The following FRAS1 variants were observed in gnomAD, a reference collection of about 807,000 sequenced individuals.
FRAS1 encodes the protein Fraser extracellular matrix complex subunit 1, also known as extracellular matrix organizing protein FRAS1.
A neutral mutation model predicts 435.2 loss-of-function variants in FRAS1; 290 were observed. The ratio of observed to expected loss-of-function variants is 0.67; its 90% CI spans 0.61 to 0.73. FRAS1 has a LOEUF of 0.73. Ranked by LOEUF, FRAS1 falls within the 30% of genes least tolerant of loss-of-function variation. FRAS1 has a pLI of 0.00. For synonymous variants in FRAS1, 1,800 were observed against 1,851.0 expected (o/e 0.97, Z 0.71); for missense variants, 4,860 against 5,001.5 (o/e 0.97, Z 0.85).
Position 78,537,055 on chromosome 4 carries a change from A to G in FRAS1, c.11153A>G (p.Lys3718Arg). The G allele has an allele frequency of 6.2e-7, 1 of 1,614,010 alleles. No individual in the cohort carries two copies. ...NPEQNLNSAY[K>R]LQLEKVYLCT... ...GAACAAAATCTTAATTCTGCTTACA[A>G]ACTCCAGCTGGAGAAAGTCTATCTT... The change falls in exon 72 of 74, where the codon AAA becomes AGA. Residue 3718 changes from lysine to arginine, a missense_variant. Lys to Arg is a conservative substitution (Grantham distance 26). Coordinates refer to ENST00000512123, the MANE Select transcript of FRAS1 (RefSeq NM_025074.7).
At chr4:78,435,466 C>T (rs955069506) in intron 38 of FRAS1, among the ~76,000 whole-genome samples, 6 of 152,014 alleles carry the variant, frequency 3.9e-5, no homozygotes, top group South Asian at 2.1e-4. Flanking sequence ...TAGCTGGGTG[C>T]GGTGGCTCAT....
rs1298022387 is a variant in FRAS1, at chr4:78,451,785, T to C, written c.6477T>C (p.Tyr2159=). The change falls in exon 46 of 74, where the codon TAT becomes TAC. Residue 2159 remains tyrosine (Y), a synonymous_variant. Coordinates refer to ENST00000512123, the MANE Select transcript of FRAS1 (RefSeq NM_025074.7). ...TCCTTTTTATAGGCCACGTAGAATA[T>C]AGTCATGGAACAGGAGAACCTGGAG... The part of the protein sequence containing the change: ...QADISQGHVE[Y]SHGTGEPGGS... 3 of 1,609,234 alleles carry C rather than the reference T, an allele frequency of 1.9e-6. No homozygotes were observed. Among genetic ancestry groups the C allele is most frequent in the African/African-American group, 1.3e-5 (1 of 74,596 alleles).
intron 2 of FRAS1, chr4:78,181,099 C>A: frequency 1.3e-6 from 2 of 1,563,046 alleles, no homozygotes; most frequent in African/African-American, 2.7e-5. Flanking sequence ...GCATAAGCCT[C>A]TTCACTCTTT....
Position 78,489,006 on chromosome 4 carries a change from G to T in FRAS1, c.8884G>T (p.Ala2962Ser). The change falls in exon 59 of 74, where the codon GCT becomes TCT. Residue 2962 changes from alanine (A) to serine (S), a missense_variant. Ala to Ser is a moderately conservative substitution (Grantham distance 99). Coordinates refer to ENST00000512123, the MANE Select transcript of FRAS1 (RefSeq NM_025074.7). ...SVRCYTQSHS[A>S]QVMEDFEERQ... is the part of the protein sequence containing the mutation. Reference sequence around the variant, plus strand: ...GAGGTGCTATACTCAGAGCCATTCCGCTCAGGTCATGGAGGACTTTGAGGA... The same window carrying T: ...GAGGTGCTATACTCAGAGCCATTCCTCTCAGGTCATGGAGGACTTTGAGGA... 1 of 1,613,702 alleles carries T rather than the reference G, an allele frequency of 6.2e-7. No homozygotes were observed. The highest frequency in any genetic ancestry group is 1.3e-5 in the African/African-American group (1 of 75,030).
At position 78,522,826 on chromosome 4, in the gene FRAS1, G is replaced by A; in HGVS notation, c.10808+18G>A. The A allele has an allele frequency of 6.3e-7, 1 of 1,582,224 alleles. No homozygotes were observed. The highest frequency in any genetic ancestry group is 2.3e-5 in the East Asian group (1 of 43,612). The stretch of plus-strand genomic sequence containing the variant: ...TATAACAGGTAAATACAGTGATGGA[G>A]GCCTCCATGGGTAGAGCTGAATGGT... On this transcript the variant is annotated intron_variant, in intron 69 of 73. Coordinates refer to ENST00000512123, the MANE Select transcript of FRAS1 (RefSeq NM_025074.7).
At chr4:78,409,831 G>A (rs897523876) in intron 31 of FRAS1, among the ~76,000 whole-genome samples, 3 of 152,196 alleles carry the variant, frequency 2.0e-5, no homozygotes, top group African/African-American at 7.2e-5. Context: ...AACTCACCCA[G>A]CTCACCTTGT....
intron 22 of FRAS1, among the ~76,000 whole-genome samples, chr4:78,365,514 A>G (rs1731228412): frequency 6.6e-6 from 1 of 152,218 alleles, no homozygotes; most frequent in Admixed American, 6.5e-5. Flanking sequence ...TGTATGAAGT[A>G]TAGGTGACAA....
rs1019380818 is a variant in FRAS1, at chr4:78,277,300, T to C, written c.982-1355T>C. Among the ~76,000 whole-genome samples, 3 of 152,116 alleles carry C rather than the reference T, an allele frequency of 2.0e-5. No homozygotes were observed. In the East Asian group the frequency reaches 5.8e-4, roughly 29 times the overall value. On this transcript the variant is annotated intron_variant, in intron 9 of 73. Coordinates refer to ENST00000512123, the MANE Select transcript of FRAS1 (RefSeq NM_025074.7). ...TGCCTTGCCCTGCTTCGGCTCACACTCAGTGGGCTGCATCCACTGTCCTGC... is the reference window on the plus strand; with the variant it reads ...TGCCTTGCCCTGCTTCGGCTCACACCCAGTGGGCTGCATCCACTGTCCTGC...
At chr4:78,497,012 T>G (rs982708866) in intron 60 of FRAS1, 51 bp downstream of exon 60, 3 of 1,422,882 alleles carry the variant, frequency 2.1e-6, no homozygotes, top group Non-Finnish European at 2.0e-6. Flanking sequence ...GGACATAAAC[T>G]GATGTTTAAC....
intron 2 of FRAS1, among the ~76,000 whole-genome samples, chr4:78,191,265 G>A (rs1005477188): frequency 6.6e-6 from 1 of 152,124 alleles, no homozygotes; most frequent in Non-Finnish European, 1.5e-5. Flanking sequence ...GCACATGTCT[G>A]GATCTTCTCA....
intron 15 of FRAS1, among the ~76,000 whole-genome samples, chr4:78,313,982 G>C (rs1409598036): frequency 2.0e-5 from 3 of 152,100 alleles, no homozygotes; most frequent in Non-Finnish European, 2.9e-5. Context: ...CTCTGCACCT[G>C]TCATGACTTT....
intron 2 of FRAS1, among the ~76,000 whole-genome samples, chr4:78,109,594 G>A (rs1382170961): frequency 2.7e-4 from 22 of 82,902 alleles, no homozygotes; most frequent in African/African-American, 5.1e-4. Context: ...TTGATGGGAC[G>A]TATTTCAAAA....
At chr4:78,268,970 A>C (rs890833150) in intron 9 of FRAS1, among the ~76,000 whole-genome samples, 1 of 152,136 alleles carries the variant, frequency 6.6e-6, no homozygotes, top group African/African-American at 2.4e-5. Flanking sequence ...CAGATCTTTA[A>C]CCAGCTAAAT....
chr4:78,374,256 C>T lies in FRAS1; in HGVS notation c.3151+5C>T. 1 of 1,553,476 alleles carries T rather than the reference C, an allele frequency of 6.4e-7. No individual in the cohort carries two copies. The highest frequency in any genetic ancestry group is 8.7e-7 in the Non-Finnish European group (1 of 1,143,448). ...ATGCAAAGCACAAATGCACAGGTAA[C>T]TTGGAGACTGCTGATTATTCTGGAA... is the stretch of plus-strand genomic sequence containing the variant. On this transcript the variant is annotated splice_donor_5th_base_variant and intron_variant, in intron 25 of 73. Transcript: ENST00000512123.
rs370138513 is a variant in FRAS1 at position 78,154,554 on chromosome 4, C to T, written c.109-82956C>T. On this transcript the variant is annotated intron_variant, in intron 2 of 73. Transcript: ENST00000512123. ...AGTCTTCATCACTGTACTCTCTTTA[C>T]ACCTAACAGGTTCTAAAGAAACTCA... 7.2e-5 allele frequency among the ~76,000 whole-genome samples: 11 copies of T among 152,176 alleles called. 1 individual carries two copies. Among genetic ancestry groups the T allele is most frequent in the South Asian group, 6.2e-4 (3 of 4,832 alleles).
chr4:78,223,478 A>G (rs1724139081), intron 2 of FRAS1, among the ~76,000 whole-genome samples: 1 of 152,144 alleles, frequency 6.6e-6, no homozygotes, highest in South Asian at 2.1e-4. Flanking sequence ...ATTTAATTTG[A>G]TCATCTTGGT....
chr4:78,229,405 A>T (rs1724420901), intron 2 of FRAS1, among the ~76,000 whole-genome samples: 1 of 150,738 alleles, frequency 6.6e-6, no homozygotes, highest in South Asian at 2.1e-4. Flanking sequence ...TGGAATATTT[A>T]CTTGGTTAAG....
At chr4:78,249,359 C>T in intron 4 of FRAS1, among the ~76,000 whole-genome samples, 1 of 107,064 alleles carries the variant, frequency 9.3e-6, no homozygotes, top group Non-Finnish European at 1.7e-5. Context: ...GATGGAGTCT[C>T]ACTCTGTCTC....
chr4:78,097,510 T>C (rs1229893075), intron 2 of FRAS1, among the ~76,000 whole-genome samples: 1 of 152,194 alleles, frequency 6.6e-6, no homozygotes, highest in Non-Finnish European at 1.5e-5. Flanking sequence ...ACATTCACAG[T>C]TCCATGTGGC....
Sources: gnomAD v4.1 joint callset for allele counts (sites outside exome capture counted in the v4.1 genomes callset) on GRCh38, gnomAD v4.1.1 for gene constraint, MANE v1.5 for transcripts, NCBI Gene and HGNC (gene_info 2026-07-23, HGNC 2026-07-21) for gene names.